GAREM1: variants seen among roughly 807,000 people sequenced by gnomAD.
GAREM1 encodes GRB2-associated and regulator of MAPK protein 1.
GAREM1 carries 26 observed loss-of-function variants against 71.3 expected under a neutral mutation model. The observed-to-expected ratio is 0.36, with a 90% CI of 0.27 to 0.51. GAREM1 has a LOEUF of 0.51. GAREM1 is among the 20% of genes least tolerant of loss of function. GAREM1 has a pLI of 0.95. For missense variants in GAREM1, 1,026 were observed against 1,103.1 expected (o/e 0.93, Z 0.99); for synonymous variants, 440 against 433.2 (o/e 1.02, Z -0.20).
rs2049037125 is a variant in GAREM1, at chr18:32,470,184, A to T, written c.121+124T>A. The T allele has an allele frequency of 6.6e-6, 8 of 1,217,884 alleles. No individual in the cohort carries two copies. The highest frequency in any genetic ancestry group is 3.2e-5 in the East Asian group (1 of 31,118). 75.4% of individuals were successfully genotyped at this position (1,217,884 alleles called of 1,614,324 possible). A position where few individuals can be genotyped will look rare whatever the true frequency, so the allele number is the denominator to read the frequency against. ...AGGGCTGCGGCAGCCGCTCGGGCCA[A>T]CTCCGGCGCTCAGGGGCGGGCAGCC... On this transcript the variant is annotated intron_variant, in intron 1 of 5. Coordinates refer to ENST00000269209, the MANE Select transcript of GAREM1 (RefSeq NM_001242409.2). The surrounding 1 kb of genome is among the most constrained non-coding windows in gnomAD (Gnocchi z 4.4).
chr18:32,331,859 G>A lies in GAREM1; in HGVS notation c.263-21536C>T, dbSNP rs1008048397. On this transcript the variant is annotated intron_variant, in intron 2 of 5. Coordinates refer to ENST00000269209, the MANE Select transcript of GAREM1 (RefSeq NM_001242409.2). ...GAAAGAGTGAGGAGAGAAACACTGC[G>A]AGTGGTGACAACATCTGGGCGCAGG... Among the ~76,000 whole-genome samples the A allele has an allele frequency of 4.6e-5, 7 of 151,840 alleles. No homozygotes were observed. In the South Asian group the frequency reaches 1.5e-3, roughly 32 times the overall value.
At chr18:32,433,587 G>A (rs547261072) in intron 1 of GAREM1, among the ~76,000 whole-genome samples, 2 of 151,822 alleles carry the variant, frequency 1.3e-5, no homozygotes, top group African/African-American at 4.8e-5. Context: ...TAAGTTCCTG[G>A]AACTAATAAG....
In GAREM1 at chr18:32,263,989, G is replaced by T; in HGVS notation, c.*3882C>A. On this transcript the variant is annotated 3_prime_UTR_variant, in exon 6 of 6. Coordinates refer to ENST00000269209, the MANE Select transcript of GAREM1 (RefSeq NM_001242409.2). ...AAGATATTTGTATATAGTTTAAACT[G>T]AAATCACGTTTATTCCTTGTTTCTG... 1 of 152,146 alleles carries T rather than the reference G, an allele frequency of 6.6e-6. No individual in the cohort carries two copies. Among genetic ancestry groups the T allele is most frequent in the South Asian group, 2.1e-4 (1 of 4,826 alleles). The allele number at this position is 152,146 out of a possible 1,614,324, so 9.4% of individuals were successfully genotyped here.
chr18:32,467,405 T>G (rs1017274195), intron 1 of GAREM1, among the ~76,000 whole-genome samples: 2 of 152,230 alleles, frequency 1.3e-5, no homozygotes, highest in Non-Finnish European at 2.9e-5. Context: ...CAGTTTGAGA[T>G]AAGAGGTCAG....
chr18:32,435,207 G>T (rs1484309555), intron 1 of GAREM1, among the ~76,000 whole-genome samples: 1 of 151,914 alleles, frequency 6.6e-6, no homozygotes, highest in Non-Finnish European at 1.5e-5. Context: ...GCCAAAGGAG[G>T]CAGGAGAGCT....
intron 4 of GAREM1, among the ~76,000 whole-genome samples, chr18:32,283,533 C>T (rs2046976456): frequency 4.0e-5 from 6 of 151,534 alleles, no homozygotes. Flanking sequence ...GCAACAGAGC[C>T]AGACTCTGTC....
At chr18:32,444,465 C>T (rs190939731) in intron 1 of GAREM1, among the ~76,000 whole-genome samples, 1 of 152,240 alleles carries the variant, frequency 6.6e-6, no homozygotes, top group East Asian at 1.9e-4. Flanking sequence ...GAAGAAAAGG[C>T]CTCTGGTTTC....
At chr18:32,410,611 A>G (rs1024332280) in intron 1 of GAREM1, among the ~76,000 whole-genome samples, 8 of 152,250 alleles carry the variant, frequency 5.3e-5, no homozygotes, top group African/African-American at 1.7e-4. Context: ...TGGCCTCCCA[A>G]AGCATGGTTC....
intron 4 of GAREM1, among the ~76,000 whole-genome samples, chr18:32,285,216 T>C (rs1467621553): frequency 6.6e-6 from 1 of 152,198 alleles, no homozygotes; most frequent in South Asian, 2.1e-4. Context: ...CAGAGGATCC[T>C]GTAAGGATCA....
intron 2 of GAREM1, among the ~76,000 whole-genome samples, chr18:32,312,274 G>C (rs1323650396): frequency 2.0e-5 from 3 of 152,184 alleles, no homozygotes; most frequent in Admixed American, 6.5e-5. Context: ...AGTGTGAACA[G>C]AGAAGAGGTC....
At chr18:32,434,356 AGG>A (rs937884339) in intron 1 of GAREM1, among the ~76,000 whole-genome samples, 3 of 152,162 alleles carry the variant, frequency 2.0e-5, no homozygotes, top group Non-Finnish European at 2.9e-5. Context: ...CTAGAAGCCT[AGG>A]GCTGTCACTA....
intron 1 of GAREM1, among the ~76,000 whole-genome samples, chr18:32,410,772 A>G (rs942590191): frequency 2.0e-5 from 3 of 152,348 alleles, no homozygotes; most frequent in Middle Eastern, 6.8e-3. Flanking sequence ...CTGTATAGAT[A>G]GAAGTCTCTC....
intron 2 of GAREM1, among the ~76,000 whole-genome samples, chr18:32,337,272 T>C (rs1456913951): frequency 6.6e-6 from 1 of 152,234 alleles, no homozygotes; most frequent in Non-Finnish European, 1.5e-5. Flanking sequence ...TATGCAATTT[T>C]CTTGTGAAAG....
At chr18:32,361,522 T>C (rs1398356922) in intron 2 of GAREM1, among the ~76,000 whole-genome samples, 1 of 152,234 alleles carries the variant, frequency 6.6e-6, no homozygotes, top group Non-Finnish European at 1.5e-5. Flanking sequence ...CAAATTCATC[T>C]GGTGCAGAGG....
intron 1 of GAREM1, among the ~76,000 whole-genome samples, chr18:32,465,852 T>C (rs1156639389): frequency 6.6e-6 from 1 of 152,222 alleles, no homozygotes; most frequent in Non-Finnish European, 1.5e-5. Flanking sequence ...TTCACTGTGA[T>C]GGAAGGAACC....
chr18:32,320,226 GTTC>G (rs1276449138), intron 2 of GAREM1, among the ~76,000 whole-genome samples: 3 of 152,136 alleles, frequency 2.0e-5, no homozygotes, highest in South Asian at 2.1e-4. Context: ...TTGTAATTGT[GTTC>G]TTCTTATTAT....
At chr18:32,286,069 T>C (rs1039146782) in intron 4 of GAREM1, among the ~76,000 whole-genome samples, 1 of 152,350 alleles carries the variant, frequency 6.6e-6, no homozygotes, top group South Asian at 2.1e-4. Flanking sequence ...TAATAGATAC[T>C]GTCAAATAAA....
chr18:32,415,379 C>T (rs2048457371), intron 1 of GAREM1, among the ~76,000 whole-genome samples: 3 of 151,904 alleles, frequency 2.0e-5, no homozygotes, highest in Admixed American at 2.0e-4. Flanking sequence ...TACCCTGATA[C>T]CCAAACCAGA....
chr18:32,312,481 A>G (rs2047334498), intron 2 of GAREM1, among the ~76,000 whole-genome samples: 2 of 152,194 alleles, frequency 1.3e-5, no homozygotes, highest in Admixed American at 1.3e-4. Flanking sequence ...GAGGACTTCA[A>G]CAAGGGCAGC....
Sources: allele counts gnomAD v4.1 joint callset (sites outside exome capture counted in the v4.1 genomes callset), GRCh38; gene constraint gnomAD v4.1.1; non-coding constraint Gnocchi (gnomAD v3.1); transcripts MANE v1.5; gene names NCBI Gene and HGNC (gene_info 2026-07-23, HGNC 2026-07-21).